Variants in C8orf34 observed in about 807,000 individuals in gnomAD.
C8orf34 encodes chromosome 8 open reading frame 34.
In C8orf34, 65 loss-of-function variants were observed where a neutral mutation model predicts 68.3. The ratio of observed to expected loss-of-function variants is 0.95; its 90% confidence interval spans 0.78 to 1.17. C8orf34 has a LOEUF of 1.17. C8orf34 is among the 50% of genes most tolerant of loss of function. The pLI, the probability that C8orf34 is intolerant of heterozygous loss-of-function variation, is 0.00. For synonymous variants in C8orf34, 244 were observed against 241.2 expected, an observed-to-expected ratio of 1.01 and a Z score of -0.11; for missense variants, 664 against 655.4, an observed-to-expected ratio of 1.01 and a Z score of -0.14.
chr8:68,761,270 G>C (rs1823016459), intron 10 of C8orf34, among the ~76,000 whole-genome samples: 1 of 152,124 alleles, frequency 6.6e-6, no homozygotes, highest in African/African-American at 2.4e-5. Context: ...CAGAAATTTG[G>C]TATCAGAATA....
intron 10 of C8orf34, among the ~76,000 whole-genome samples, chr8:68,739,687 T>C (rs1822225172): frequency 2.0e-5 from 3 of 152,116 alleles, no homozygotes; most frequent in Admixed American, 1.3e-4. Context: ...GTAGATTCAA[T>C]GCTGTTCCTA....
At chr8:68,765,099 C>T (rs1416891162) in intron 10 of C8orf34, among the ~76,000 whole-genome samples, 3 of 152,152 alleles carry the variant, frequency 2.0e-5, no homozygotes, top group Admixed American at 6.5e-5. Flanking sequence ...CTAGTACTAA[C>T]GTTTATCACA....
chr8:68,692,044 CA>C (rs1466692610), intron 8 of C8orf34, among the ~76,000 whole-genome samples: 2 of 151,786 alleles, frequency 1.3e-5, no homozygotes, highest in Non-Finnish European at 2.9e-5. Flanking sequence ...GGTTATGTAG[CA>C]AAAAAGGCAA....
At chr8:68,699,961 T>C (rs1441772229) in intron 8 of C8orf34, among the ~76,000 whole-genome samples, 1 of 152,066 alleles carries the variant, frequency 6.6e-6, no homozygotes, top group Non-Finnish European at 1.5e-5. Context: ...CATTAATCAT[T>C]ATACTTTAGA....
intron 1 of C8orf34, among the ~76,000 whole-genome samples, chr8:68,421,674 C>G (rs956016305): frequency 1.3e-5 from 2 of 152,154 alleles, no homozygotes; most frequent in Non-Finnish European, 2.9e-5. Flanking sequence ...TGAGGCTGAA[C>G]AAACCCTGGC....
chr8:68,799,595 T>C (rs1267210767), intron 12 of C8orf34, among the ~76,000 whole-genome samples: 1 of 152,176 alleles, frequency 6.6e-6, no homozygotes, highest in Non-Finnish European at 1.5e-5. Flanking sequence ...ATGAGTCTCA[T>C]AAACCCTATG....
At chr8:68,507,856 C>G (rs1030561299) in intron 5 of C8orf34, among the ~76,000 whole-genome samples, 5 of 152,128 alleles carry the variant, frequency 3.3e-5, no homozygotes, top group African/African-American at 1.2e-4. Context: ...AAAACTATAT[C>G]CGTAATTATT....
intron 7 of C8orf34, among the ~76,000 whole-genome samples, chr8:68,541,563 A>C (rs1189912745): frequency 6.6e-6 from 1 of 152,164 alleles, no homozygotes; most frequent in African/African-American, 2.4e-5. Context: ...TTTAGCATGT[A>C]AGTTTCGTGC....
At position 68,600,303 on chromosome 8, in the gene C8orf34, C is replaced by G. The variant is rs187605464; in HGVS notation, c.1106-40073C>G. Among the ~76,000 whole-genome samples the G allele has an allele frequency of 2.0e-5, 3 of 152,148 alleles. No homozygotes were observed. In the East Asian group the frequency reaches 5.8e-4, roughly 29 times the overall value. On this transcript the variant is annotated intron_variant, in intron 7 of 13. Transcript: ENST00000518698. ...AAATATAATTGCCTTAACTTAATTC[C>G]CCTTGCGGCACTGAGCACCACATCA... is the stretch of plus-strand genomic sequence containing the variant.
At chr8:68,621,333 G>A (rs546283834) in intron 7 of C8orf34, among the ~76,000 whole-genome samples, 5 of 152,210 alleles carry the variant, frequency 3.3e-5, no homozygotes, top group Non-Finnish European at 7.4e-5. Context: ...CCACATGTTG[G>A]ATCAGAGACT....
chr8:68,690,654 A>T (rs1820660313), intron 8 of C8orf34, among the ~76,000 whole-genome samples: 2 of 151,976 alleles, frequency 1.3e-5, no homozygotes, highest in Non-Finnish European at 2.9e-5. Flanking sequence ...TCACCTCATA[A>T]AGGCCCATTT....
intron 7 of C8orf34, among the ~76,000 whole-genome samples, chr8:68,580,108 A>G (rs1392171400): frequency 6.6e-6 from 1 of 152,190 alleles, no homozygotes; most frequent in African/African-American, 2.4e-5. Context: ...GTAATAAAGT[A>G]TACATATATA....
chr8:68,620,693 A>G (rs4993631), intron 7 of C8orf34, among the ~76,000 whole-genome samples: 149,195 of 149,256 alleles, frequency 1, 74,567 homozygotes, highest in Middle Eastern at 1. Context: ...GTTTACTGGG[A>G]AAAAAAAAAA....
At chr8:68,506,107 C>T (rs1188007533) in intron 5 of C8orf34, among the ~76,000 whole-genome samples, 1 of 150,630 alleles carries the variant, frequency 6.6e-6, no homozygotes, top group Non-Finnish European at 1.5e-5. Context: ...TATGTTACTA[C>T]ACACACATAC....
chr8:68,533,478 G>A (rs1298395568), intron 7 of C8orf34: 1 of 1,015,776 alleles, frequency 9.8e-7, no homozygotes, highest in African/African-American at 1.7e-5. Context: ...TAATTGCCTT[G>A]TTTACATCTA....
chr8:68,779,581 G>A (rs1823617891), intron 11 of C8orf34, among the ~76,000 whole-genome samples: 1 of 152,006 alleles, frequency 6.6e-6, no homozygotes, highest in Non-Finnish European at 1.5e-5. Flanking sequence ...ACCAGAAAGG[G>A]GATCAATTCT....
chr8:68,638,937 C>T (rs753230636), intron 7 of C8orf34, among the ~76,000 whole-genome samples: 17 of 151,944 alleles, frequency 1.1e-4, no homozygotes, highest in South Asian at 2.1e-4. Flanking sequence ...TTCCTAACTG[C>T]GGTAGGGAAA....
At chr8:68,700,390 C>T (rs534844930) in intron 8 of C8orf34, among the ~76,000 whole-genome samples, 30 of 152,010 alleles carry the variant, frequency 2.0e-4, no homozygotes, top group South Asian at 1.5e-3. Context: ...AAGAGCGAGA[C>T]GGAGTTAAAT....
intron 1 of C8orf34, among the ~76,000 whole-genome samples, chr8:68,339,169 G>T (rs1429492172): frequency 6.6e-6 from 1 of 151,906 alleles, no homozygotes; most frequent in Non-Finnish European, 1.5e-5. Context: ...TTTTGATTCA[G>T]ATTGTGTTGA....
Sources: allele counts gnomAD v4.1 joint callset (sites outside exome capture counted in the v4.1 genomes callset), GRCh38; gene constraint gnomAD v4.1.1; transcripts MANE v1.5; gene names NCBI Gene and HGNC (gene_info 2026-07-23, HGNC 2026-07-21).